The following KASH5 variants were observed in gnomAD, a reference collection of about 807,000 sequenced individuals.
KASH5 encodes protein KASH5.
In KASH5, 72 loss-of-function variants were observed where a neutral mutation model predicts 84.2. The ratio of observed to expected loss-of-function variants is 0.85; its 90% CI spans 0.71 to 1.04. KASH5 has a LOEUF of 1.04. Ranked by LOEUF, KASH5 falls within the 50% of genes least tolerant of loss-of-function variation. The pLI is 0.00. For missense variants in KASH5, 650 were observed against 701.0 expected, an observed-to-expected ratio of 0.93 and a Z score of 0.82; for synonymous variants, 260 against 279.1, an observed-to-expected ratio of 0.93 and a Z score of 0.68.
chr19:49,408,832 T>A, intron 12 of KASH5, 135 bp from the exon 13 acceptor site: 1 of 775,010 alleles, frequency 1.3e-6, no homozygotes, highest in Non-Finnish European at 2.1e-6. Context: ...CTTCCCCTTG[T>A]CCCTAGGCAG....
In KASH5 at chr19:49,411,679, A is replaced by G. The variant is rs531009278; in HGVS notation, c.1270-1289A>G. 1.7e-4 allele frequency among the ~76,000 whole-genome samples: 26 copies of G among 152,224 alleles called. No individual in the cohort carries two copies. The South Asian group carries it at 5.4e-3, about 32-fold the overall frequency. ...CAACCTGCGATGGGCCCAGGGATACAGAGCTGAGTCCCTTGGGGCCGGGCC... is the reference window on the plus strand; with the variant it reads ...CAACCTGCGATGGGCCCAGGGATACGGAGCTGAGTCCCTTGGGGCCGGGCC... On this transcript the variant is annotated intron_variant, in intron 15 of 19. Coordinates refer to ENST00000447857, the MANE Select transcript of KASH5 (RefSeq NM_144688.5).
chr19:49,400,353 C>CTTTTTTTTTTTTTTTTT (rs36066335), intron 9 of KASH5, among the ~76,000 whole-genome samples: 3 of 124,216 alleles, frequency 2.4e-5, no homozygotes, highest in African/African-American at 3.1e-5. Flanking sequence ...CTTTTAGTTT[C>CTTTTTTTTTTTTTTTTT]TTTTTTTTTT....
Position 49,392,934 on chromosome 19 carries a change from G to C in KASH5, c.44-1542G>C, listed in dbSNP as rs139820832. 5.0e-4 allele frequency among the ~76,000 whole-genome samples: 76 copies of C among 151,676 alleles called. No individual in the cohort carries two copies. In the East Asian group the frequency reaches 0.014, roughly 29 times the overall value. ...CTCAAAAAAAAAAAAAACAGTGAGA[G>C]GAGGAAAACAGACTGGGGCTAAAGC... On this transcript the variant is annotated intron_variant, in intron 2 of 19. Transcript: ENST00000447857.
At chr19:49,391,192 C>A (rs936588078) in intron 2 of KASH5, among the ~76,000 whole-genome samples, 1 of 152,108 alleles carries the variant, frequency 6.6e-6, no homozygotes, top group Non-Finnish European at 1.5e-5. Flanking sequence ...CCATTCAGAT[C>A]GCGGCCCAGA....
intron 11 of KASH5, 115 bp from the exon 12 acceptor site, chr19:49,407,497 C>A: frequency 8.1e-7 from 1 of 1,230,532 alleles, no homozygotes; most frequent in South Asian, 1.3e-5. Context: ...TGTGCCCCAG[C>A]TCTTCCCTCA....
intron 16 of KASH5, among the ~76,000 whole-genome samples, chr19:49,413,567 A>AG (rs1488152630): frequency 6.6e-6 from 1 of 152,146 alleles, no homozygotes; most frequent in Non-Finnish European, 1.5e-5. Flanking sequence ...CTGCCTGCCA[A>AG]GGCCTCTAAT....
intron 2 of KASH5, 58 bp from the exon 3 acceptor site, chr19:49,394,418 C>G: frequency 7.2e-7 from 1 of 1,384,668 alleles, no homozygotes; most frequent in Non-Finnish European, 1.0e-6. Flanking sequence ...GACCTGGGGT[C>G]ACCCCTCTTC....
Position 49,409,757 on chromosome 19 carries a change from A to G in KASH5, c.1151A>G (p.Gln384Arg). 1.2e-6 allele frequency: 2 copies of G among 1,613,898 alleles called. No individual in the cohort carries two copies. The highest frequency in any genetic ancestry group is 2.2e-5 in the East Asian group (1 of 44,882). Residue 384 changes from glutamine (Q) to arginine (R), a missense_variant, in exon 15 of 20, where the codon CAG (glutamine) becomes CGG (arginine). Coordinates refer to ENST00000447857, the MANE Select transcript of KASH5 (RefSeq NM_144688.5). ...GLEIEAIRQK[Q>R]EVATADLSNP... ...CGGAAACAACTTCTGTCCCAGAAAC[A>G]GGAAGTGGCAACTGCTGATCTCTCC...
chr19:49,393,289 C>T (rs1036091787), intron 2 of KASH5: 1 of 152,298 alleles, frequency 6.6e-6, no homozygotes, highest in African/African-American at 2.4e-5. Context: ...TGAGTCCCCA[C>T]CACGTGCCAG....
At chr19:49,388,703 A>C (rs75457677) in intron 1 of KASH5, among the ~76,000 whole-genome samples, 2 of 151,914 alleles carry the variant, frequency 1.3e-5, no homozygotes, top group African/African-American at 4.8e-5. Context: ...AAAAAAAAAA[A>C]AAAAAATCCT....
In KASH5 at chr19:49,406,899, T is replaced by C; in HGVS notation, c.812T>C (p.Leu271Pro). ...TCCTTCTTCTAGAACGGGAAGCTGC[T>C]TGCCGAGCGGGATGGAGTGAAAAAG... is the stretch of plus-strand genomic sequence containing the variant. The part of the protein sequence containing the change: ...ETLQEENGKL[L>P]AERDGVKKRS... Residue 271 changes from leucine to proline, a missense_variant, in exon 10 of 20, where the codon CTT (leucine) becomes CCT (proline). Leu to Pro is a moderately conservative substitution (Grantham distance 98). Coordinates refer to ENST00000447857, the MANE Select transcript of KASH5 (RefSeq NM_144688.5). 6.2e-7 allele frequency: 1 copy of C among 1,606,438 alleles called. No homozygotes were observed. Among genetic ancestry groups the C allele is most frequent in the Non-Finnish European group, 8.5e-7 (1 of 1,176,384 alleles).
chr19:49,401,295 C>T (rs1042876371), intron 9 of KASH5, among the ~76,000 whole-genome samples: 10 of 152,126 alleles, frequency 6.6e-5, no homozygotes, highest in East Asian at 3.9e-4. Context: ...GGTGGGTGCT[C>T]ATGGTGGGGA....
At chr19:49,405,517 G>T (rs1282516913) in intron 9 of KASH5, among the ~76,000 whole-genome samples, 1 of 151,704 alleles carries the variant, frequency 6.6e-6, no homozygotes, top group Non-Finnish European at 1.5e-5. Context: ...AGATGATACT[G>T]AGTTATTGTT....
In KASH5 at chr19:49,417,060, C is replaced by A. The variant is rs1974929124; in HGVS notation, c.1420C>A (p.Pro474Thr). The change falls in exon 18 of 20, where the codon CCA becomes ACA. Residue 474 changes from proline to threonine, a missense_variant. Physicochemically the swap from Pro to Thr is conservative, Grantham distance 38. Coordinates refer to ENST00000447857, the MANE Select transcript of KASH5 (RefSeq NM_144688.5). The surrounding 1 kb of genome is among the most constrained non-coding windows in gnomAD (Gnocchi z 5.2). ...PLGAPRPGDIPENPPERPARR... is the reference protein window; with the variant it reads ...PLGAPRPGDITENPPERPARR... ...AGGAGCCCCTCGCCCTGGAGACATC[C>A]CAGAAAACCCTCCAGAGAGGTAATA... 1.3e-6 allele frequency: 2 copies of A among 1,596,678 alleles called. No homozygotes were observed. The highest frequency in any genetic ancestry group is 4.5e-5 in the East Asian group (2 of 44,026).
intron 2 of KASH5, chr19:49,393,682 C>CATGTGTGTGT (rs1555790957): frequency 7.0e-6 from 1 of 142,432 alleles, no homozygotes; most frequent in Non-Finnish European, 1.5e-5. Flanking sequence ...GACCCCAGGA[C>CATGTGTGTGT]GTGTGTGTGT....
At chr19:49,401,288 G>A (rs1285341600) in intron 9 of KASH5, among the ~76,000 whole-genome samples, 1 of 152,160 alleles carries the variant, frequency 6.6e-6, no homozygotes, top group Non-Finnish European at 1.5e-5. Context: ...AGGCCAGGGT[G>A]GGTGCTCATG....
chr19:49,417,056 C>T lies in KASH5; in HGVS notation c.1416C>T (p.Asp472=). 2 of 1,596,666 alleles carry T rather than the reference C, an allele frequency of 1.3e-6. No homozygotes were observed. The highest frequency in any genetic ancestry group is 1.7e-6 in the Non-Finnish European group (2 of 1,172,112). ...PVPLGAPRPG[D]IPENPPERPA... is the part of the protein sequence containing the mutation. The stretch of plus-strand genomic sequence containing the variant: ...CTCTAGGAGCCCCTCGCCCTGGAGA[C>T]ATCCCAGAAAACCCTCCAGAGAGGT... The change falls in exon 18 of 20, where the codon GAC becomes GAT. Residue 472 remains aspartate, a synonymous_variant. Transcript: ENST00000447857. This position sits in a 1 kb window ranked among gnomAD's most constrained non-coding sequence, Gnocchi z 5.2.
At chr19:49,400,017 C>G (rs1188195820) in intron 9 of KASH5, among the ~76,000 whole-genome samples, 1 of 152,066 alleles carries the variant, frequency 6.6e-6, no homozygotes, top group Non-Finnish European at 1.5e-5. Flanking sequence ...CCCCTTTAGC[C>G]TAGGAGTTCG....
rs1447384467 is a variant in KASH5 at position 49,391,673 on chromosome 19, C to T, written c.43+747C>T. On this transcript the variant is annotated intron_variant, in intron 2 of 19. Transcript: ENST00000447857. ...CTAACAGAGCATTTCAGTCTACACT[C>T]GCCTCAGTTCAGGTGCTCCAGAAGG... is the stretch of plus-strand genomic sequence containing the variant. The T allele has an allele frequency of 2.6e-5, 4 of 152,200 alleles. No homozygotes were observed. In the East Asian group the frequency reaches 7.7e-4, roughly 29 times the overall value. The allele number at this position is 152,200 out of a possible 1,614,324, so 9.4% of individuals were successfully genotyped here. A position where few individuals can be genotyped will look rare whatever the true frequency, so the allele number is the denominator to read the frequency against.
Sources: allele counts gnomAD v4.1 joint callset (sites outside exome capture counted in the v4.1 genomes callset), GRCh38; gene constraint gnomAD v4.1.1; non-coding constraint Gnocchi (gnomAD v3.1); transcripts MANE v1.5; gene names NCBI Gene and HGNC (gene_info 2026-07-23, HGNC 2026-07-21).